The following XIRP2 variants were observed in gnomAD, a reference collection of about 807,000 sequenced individuals.
XIRP2 encodes xin actin-binding repeat-containing protein 2.
Under a neutral mutation model 277.0 loss-of-function variants are expected in XIRP2, and 236 were observed. That is an observed-to-expected ratio of 0.85 (90% CI 0.77 to 0.95). XIRP2 has a LOEUF of 0.95. XIRP2 is among the 40% of genes least tolerant of loss of function. The probability of loss-of-function intolerance (pLI) is 0.00; values close to 1 mark genes in which losing one functional copy is unlikely to be tolerated. For synonymous variants in XIRP2, 1,490 were observed against 1,416.5 expected (o/e 1.05, Z -1.17); for missense variants, 4,640 against 4,157.5 (o/e 1.12, Z -3.19).
At chr2:166,938,048 C>G (rs1033123414) in intron 2 of XIRP2, among the ~76,000 whole-genome samples, 6 of 152,074 alleles carry the variant, frequency 3.9e-5, no homozygotes, top group South Asian at 2.1e-4. Context: ...AAAACCAGCT[C>G]CTGGATTCAT....
At chr2:167,013,058 T>C (rs1011344489) in intron 2 of XIRP2, among the ~76,000 whole-genome samples, 2 of 151,422 alleles carry the variant, frequency 1.3e-5, no homozygotes, top group African/African-American at 2.4e-5. Flanking sequence ...CATTGAATCA[T>C]GTGACAACTA....
chr2:167,165,021 C>A (rs144078854), intron 3 of XIRP2, among the ~76,000 whole-genome samples: 2 of 152,142 alleles, frequency 1.3e-5, no homozygotes, highest in African/African-American at 2.4e-5. Flanking sequence ...TCCCAATAAC[C>A]CCTGTCAACT....
At position 167,210,878 on chromosome 2, in the gene XIRP2, C is replaced by T. The variant is rs770198639; in HGVS notation, c.706C>T (p.Arg236Cys). 48 of 1,613,920 alleles carry T rather than the reference C, an allele frequency of 3.0e-5. No homozygotes were observed. Among genetic ancestry groups the T allele is most frequent in the Non-Finnish European group, 3.6e-5 (42 of 1,179,984 alleles). Residue 236 changes from arginine (R) to cysteine (C), a missense_variant, in exon 4 of 11, where the codon CGC becomes TGC. Coordinates refer to ENST00000409195, the MANE Select transcript of XIRP2 (RefSeq NM_152381.6). ...YQAAVSRGDC[R>C]SFSANMMEES... ...GGCAGCTGTTTCCAGGGGTGACTGC[C>T]GCAGCTTCTCTGCTAATGTAAGCTG...
chr2:167,020,161 G>A lies in XIRP2; in HGVS notation c.409-115748G>A, dbSNP rs187725635. ...GTTGTTTATGGCCAAAATTCAAAAC[G>A]AAAAGAGAAACCAGGATTAAAGAAC... is the stretch of plus-strand genomic sequence containing the variant. On this transcript the variant is annotated intron_variant, in intron 2 of 10. Transcript: ENST00000409195. 1.2e-3 allele frequency among the ~76,000 whole-genome samples: 188 copies of A among 151,866 alleles called. 1 individual carries two copies. The highest frequency in any genetic ancestry group is 4.4e-3 in the African/African-American group (183 of 41,470).
chr2:167,252,931 C>T (rs1212902187), intron 9 of XIRP2, among the ~76,000 whole-genome samples: 1 of 151,822 alleles, frequency 6.6e-6, no homozygotes, highest in African/African-American at 2.4e-5. Context: ...GCAAAGCTGT[C>T]TAATTAATTT....
intron 8 of XIRP2, 88 bp downstream of exon 8, chr2:167,241,998 G>T: frequency 7.0e-7 from 1 of 1,431,760 alleles, no homozygotes. Context: ...TACTTGAGGT[G>T]GCTTTTCAAC....
intron 2 of XIRP2, among the ~76,000 whole-genome samples, chr2:166,950,439 T>C (rs1685996922): frequency 6.6e-6 from 1 of 152,112 alleles, no homozygotes; most frequent in African/African-American, 2.4e-5. Flanking sequence ...GTTGTTACTT[T>C]TGGCAGCTCA....
Position 167,249,579 on chromosome 2 carries a change from T to C in XIRP2, c.8187T>C (p.Tyr2729=). ...CATTAAATGAAACAGACCACAGCTA[T>C]GAAAGTCATAAACAGCAATCTGAGA... ...DHTLNETDHS[Y]ESHKQQSEID... is the part of the protein sequence containing the mutation. Residue 2729 remains tyrosine, a synonymous_variant, in exon 9 of 11, where the codon TAT becomes TAC. Coordinates refer to ENST00000409195, the MANE Select transcript of XIRP2 (RefSeq NM_152381.6). 6.2e-7 allele frequency: 1 copy of C among 1,613,600 alleles called. No homozygotes were observed. Among genetic ancestry groups the C allele is most frequent in the East Asian group, 2.2e-5 (1 of 44,830 alleles).
At chr2:166,996,157 T>A (rs995464529) in intron 2 of XIRP2, among the ~76,000 whole-genome samples, 3 of 151,734 alleles carry the variant, frequency 2.0e-5, no homozygotes, top group African/African-American at 7.3e-5. Flanking sequence ...CTTAGGAGAG[T>A]TCCTGGTACA....
At chr2:167,070,472 C>T (rs1380880327) in intron 2 of XIRP2, among the ~76,000 whole-genome samples, 1 of 152,002 alleles carries the variant, frequency 6.6e-6, no homozygotes, top group African/African-American at 2.4e-5. Flanking sequence ...AACAGAAAAT[C>T]CTGTATCTAT....
rs1280024415 is a variant in XIRP2, at chr2:167,258,945, G to C, written c.*1128G>C. The C allele has an allele frequency of 3.1e-6, 5 of 1,612,982 alleles. No individual in the cohort carries two copies. Among genetic ancestry groups the C allele is most frequent in the East Asian group, 2.2e-5 (1 of 44,796 alleles). The stretch of plus-strand genomic sequence containing the variant: ...CCTGTGCAGCCTGCTCCAAAACCAA[G>C]CCTCAGCAGAGGCCTTATGGTAAAG... On this transcript the variant is annotated 3_prime_UTR_variant, in exon 11 of 11. Transcript: ENST00000409195.
intron 2 of XIRP2, among the ~76,000 whole-genome samples, chr2:167,063,809 CTT>C (rs1439950945): frequency 2.0e-5 from 3 of 151,150 alleles, no homozygotes; most frequent in African/African-American, 4.9e-5. Context: ...ATCTTGGTGT[CTT>C]TATATTTTAA....
At chr2:166,985,847 C>A (rs114682646) in intron 2 of XIRP2, among the ~76,000 whole-genome samples, 1 of 152,112 alleles carries the variant, frequency 6.6e-6, no homozygotes, top group Non-Finnish European at 1.5e-5. Flanking sequence ...GGGTCAGTCT[C>A]CCAAAGAGGG....
At chr2:167,191,338 A>ATACATGGTT (rs1324390128) in intron 3 of XIRP2, among the ~76,000 whole-genome samples, 1 of 152,224 alleles carries the variant, frequency 6.6e-6, no homozygotes, top group Non-Finnish European at 1.5e-5. Context: ...CTAGTAACTC[A>ATACATGGTT]TACATGGTTT....
At chr2:167,007,703 T>TCTCACA (rs1389098863) in intron 2 of XIRP2, among the ~76,000 whole-genome samples, 14 of 130,158 alleles carry the variant, frequency 1.1e-4, no homozygotes, top group African/African-American at 3.6e-4. Flanking sequence ...TCTCTCTCTC[T>TCTCACA]CACACACACA....
At position 166,969,068 on chromosome 2, in the gene XIRP2, C is replaced by T. The variant is rs542474837; in HGVS notation, c.408+65178C>T. ...CAAATCCCACAGCTCTACCTTGCTC[C>T]GTGTAGTCACTTTCTCCTCATGGGA... On this transcript the variant is annotated intron_variant, in intron 2 of 10. Coordinates refer to ENST00000409195, the MANE Select transcript of XIRP2 (RefSeq NM_152381.6). Among the ~76,000 whole-genome samples the T allele has an allele frequency of 3.9e-5, 6 of 152,112 alleles. No individual in the cohort carries two copies. In the East Asian group the frequency reaches 7.8e-4, roughly 20 times the overall value.
chr2:167,219,292 A>G (rs1223893533), intron 5 of XIRP2, among the ~76,000 whole-genome samples: 1 of 152,248 alleles, frequency 6.6e-6, no homozygotes, highest in African/African-American at 2.4e-5. Flanking sequence ...GAAACTTAAT[A>G]TAAATAAGAA....
At chr2:167,153,144 A>G (rs759213246) in intron 3 of XIRP2, among the ~76,000 whole-genome samples, 33 of 152,280 alleles carry the variant, frequency 2.2e-4, no homozygotes, top group Non-Finnish European at 3.8e-4. Flanking sequence ...TACCACAACC[A>G]AGAAAAATAC....
chr2:167,243,805 G>A lies in XIRP2; in HGVS notation c.2413G>A (p.Val805Met), dbSNP rs530786380. The A allele has an allele frequency of 7.4e-6, 12 of 1,613,936 alleles. No homozygotes were observed. In the African/African-American group the frequency reaches 1.3e-4, roughly 18 times the overall value. The stretch of plus-strand genomic sequence containing the variant: ...CATGGAAGAAAATGTCAAAGGTGGG[G>A]TGAGTAAGGCAAAGTGGTTATTTGA... ...ISMEENVKGG[V>M]SKAKWLFETQ... Residue 805 changes from valine (V) to methionine (M), a missense_variant, in exon 9 of 11, where the codon GTG becomes ATG. Coordinates refer to ENST00000409195, the MANE Select transcript of XIRP2 (RefSeq NM_152381.6).
Sources: gnomAD v4.1 joint callset for allele counts (sites outside exome capture counted in the v4.1 genomes callset) on GRCh38, gnomAD v4.1.1 for gene constraint, MANE v1.5 for transcripts, NCBI Gene and HGNC (gene_info 2026-07-23, HGNC 2026-07-21) for gene names.